Variants in DLGAP1 observed in about 807,000 individuals in gnomAD.
The protein encoded by DLGAP1 is disks large-associated protein 1.
In DLGAP1, 11 loss-of-function variants were observed where a neutral mutation model predicts 90.8. That is an observed-to-expected ratio of 0.12 (90% CI 0.08 to 0.20). The LOEUF (loss-of-function observed/expected upper bound fraction) is 0.20. DLGAP1 is among the 10% of genes least tolerant of loss of function. The pLI is 1.00. For synonymous variants in DLGAP1, 558 were observed against 540.7 expected (o/e 1.03, Z -0.44); for missense variants, 1,050 against 1,333.8 (o/e 0.79, Z 3.31).
chr18:3,856,910 T>C (rs944910850), intron 4 of DLGAP1, among the ~76,000 whole-genome samples: 9 of 152,014 alleles, frequency 5.9e-5, no homozygotes, highest in African/African-American at 2.2e-4. Context: ...TCATGCTACA[T>C]CCATAGAGGA....
At chr18:4,351,697 T>G (rs1312034222) in intron 1 of DLGAP1, among the ~76,000 whole-genome samples, 1 of 152,236 alleles carries the variant, frequency 6.6e-6, no homozygotes, top group African/African-American at 2.4e-5. Context: ...TTATCAGTTA[T>G]CAAAGTATGA....
chr18:3,590,899 TGTAA>T lies in DLGAP1; in HGVS notation c.1592-8655_1592-8652del, dbSNP rs202137311. Among the ~76,000 whole-genome samples, 349 of 151,932 alleles carry T rather than the reference TGTAA, an allele frequency of 2.3e-3. 6 individuals carry two copies. Among genetic ancestry groups the T allele is most frequent in the East Asian group, 6.2e-3 (32 of 5,174 alleles). Reference sequence around the variant, plus strand: ...AAAAAAAAAAACAAAGAAAATTGAATGTAAGTGTTTAGAAACTTTTATAGCAATT... The same window carrying T: ...AAAAAAAAAAACAAAGAAAATTGAATGTGTTTAGAAACTTTTATAGCAATT... On this transcript the variant is annotated intron_variant, in intron 7 of 12. Coordinates refer to ENST00000315677, the MANE Select transcript of DLGAP1 (RefSeq NM_004746.4).
At chr18:4,032,220 A>C (rs2074807130) in intron 2 of DLGAP1, among the ~76,000 whole-genome samples, 1 of 152,198 alleles carries the variant, frequency 6.6e-6, no homozygotes, top group Non-Finnish European at 1.5e-5. Context: ...TTTGCCTGAT[A>C]ATAGCTGCAT....
intron 7 of DLGAP1, among the ~76,000 whole-genome samples, chr18:3,593,441 G>GT (rs1473142752): frequency 6.6e-6 from 1 of 152,180 alleles, no homozygotes; most frequent in Admixed American, 6.5e-5. Context: ...GGCTGTTGGG[G>GT]TGGGTCATAC....
intron 5 of DLGAP1, chr18:3,770,034 G>A (rs1282466498): frequency 1.3e-5 from 2 of 152,146 alleles, no homozygotes; most frequent in Non-Finnish European, 2.9e-5. Context: ...TCACCATCTA[G>A]TTCAAAGCTG....
intron 3 of DLGAP1, among the ~76,000 whole-genome samples, chr18:3,881,000 T>A (rs987222701): frequency 1.3e-5 from 2 of 150,214 alleles, no homozygotes; most frequent in East Asian, 1.9e-4. Context: ...AAACTATATT[T>A]AAAAAAAAAC....
intron 1 of DLGAP1, among the ~76,000 whole-genome samples, chr18:4,389,343 TGGCTGCCAAG>T (rs1186053649): frequency 6.6e-6 from 1 of 152,178 alleles, no homozygotes; most frequent in African/African-American, 2.4e-5. Flanking sequence ...AGTAGAATGA[TGGCTGCCAAG>T]GGGTACGGGT....
intron 3 of DLGAP1, among the ~76,000 whole-genome samples, chr18:3,968,201 T>A (rs1217418384): frequency 2.6e-5 from 4 of 152,206 alleles, no homozygotes; most frequent in Admixed American, 2.6e-4. Context: ...TTCTTTCTCC[T>A]GTATCTTAAA....
At chr18:3,983,076 G>A (rs926721576) in intron 3 of DLGAP1, 2 of 151,924 alleles carry the variant, frequency 1.3e-5, no homozygotes, top group East Asian at 1.9e-4. Context: ...TCTTTTGGGT[G>A]GTTCTTCAGA....
intron 4 of DLGAP1, among the ~76,000 whole-genome samples, chr18:3,820,212 G>A (rs1178257484): frequency 6.6e-6 from 1 of 152,152 alleles, no homozygotes; most frequent in African/African-American, 2.4e-5. Flanking sequence ...AAATCTGAGA[G>A]CCACAAAAGG....
rs2058226819 is a variant in DLGAP1, at chr18:3,624,697, A to G, written c.1592-42449T>C. ...TCAAGAAATCCCCAAAAGTCATGATAAAGAAGAGGGAAAACAGACTGAGCA... is the reference window on the plus strand; with the variant it reads ...TCAAGAAATCCCCAAAAGTCATGATGAAGAAGAGGGAAAACAGACTGAGCA... On this transcript the variant is annotated intron_variant, in intron 7 of 12. Coordinates refer to ENST00000315677, the MANE Select transcript of DLGAP1 (RefSeq NM_004746.4). Among the ~76,000 whole-genome samples the G allele has an allele frequency of 3.9e-5, 6 of 152,336 alleles. No homozygotes were observed. In the South Asian group the frequency reaches 1.2e-3, roughly 32 times the overall value.
chr18:4,112,196 G>A (rs946685222), intron 2 of DLGAP1, among the ~76,000 whole-genome samples: 2 of 151,920 alleles, frequency 1.3e-5, no homozygotes, highest in Non-Finnish European at 2.9e-5. Context: ...TATTTAGGAT[G>A]CGTTGGGTAA....
intron 1 of DLGAP1, among the ~76,000 whole-genome samples, chr18:4,277,170 A>G (rs1407079475): frequency 2.6e-5 from 4 of 152,214 alleles, no homozygotes. Context: ...GACGACTGTG[A>G]GAAATAGGCG....
At chr18:4,079,710 ATAT>A (rs2075577016) in intron 2 of DLGAP1, among the ~76,000 whole-genome samples, 2 of 150,840 alleles carry the variant, frequency 1.3e-5, no homozygotes, top group African/African-American at 4.9e-5. Flanking sequence ...ATATATATAT[ATAT>A]AAAAGAAAAT....
intron 5 of DLGAP1, among the ~76,000 whole-genome samples, chr18:3,805,740 T>C (rs2066531678): frequency 6.6e-6 from 1 of 152,266 alleles, no homozygotes; most frequent in Admixed American, 6.5e-5. Flanking sequence ...AAAGATCTTA[T>C]ATAGATATTT....
chr18:3,769,728 C>T (rs1469359449), intron 5 of DLGAP1, among the ~76,000 whole-genome samples: 1 of 151,802 alleles, frequency 6.6e-6, no homozygotes, highest in African/African-American at 2.4e-5. Context: ...GTGGGTGTGG[C>T]TATAAAAGGG....
chr18:4,424,328 A>G (rs957159115), intron 1 of DLGAP1, among the ~76,000 whole-genome samples: 1 of 152,194 alleles, frequency 6.6e-6, no homozygotes, highest in African/African-American at 2.4e-5. Flanking sequence ...TTGACTCCTG[A>G]TAAGCAACTG....
chr18:4,113,949 T>A (rs577994701), intron 2 of DLGAP1, among the ~76,000 whole-genome samples: 15 of 152,248 alleles, frequency 9.9e-5, no homozygotes, highest in African/African-American at 3.6e-4. Flanking sequence ...CTAGGTTTTC[T>A]ATTCTGTTCC....
Position 3,664,464 on chromosome 18 carries a change from G to C in DLGAP1, c.1591+64671C>G, listed in dbSNP as rs182629617. ...CATTTTCTGACTACACATGTGCCCT[G>C]TCCCTTAGCTCTTGGTACTCCAGCC... On this transcript the variant is annotated intron_variant, in intron 7 of 12. Transcript: ENST00000315677. Among the ~76,000 whole-genome samples, 320 of 152,230 alleles carry C rather than the reference G, an allele frequency of 2.1e-3. 3 individuals carry two copies. Among genetic ancestry groups the C allele is most frequent in the Non-Finnish European group, 6.0e-4 (41 of 68,016 alleles).
Sources: allele counts gnomAD v4.1 joint callset (sites outside exome capture counted in the v4.1 genomes callset), GRCh38; gene constraint gnomAD v4.1.1; transcripts MANE v1.5; gene names NCBI Gene and HGNC (gene_info 2026-07-23, HGNC 2026-07-21).